WNT2B: variants seen among roughly 807,000 people sequenced by gnomAD.
The protein encoded by WNT2B is protein Wnt-2b.
WNT2B carries 19 observed loss-of-function variants against 40.5 expected under a neutral mutation model. That is an observed-to-expected ratio of 0.47 (90% CI 0.33 to 0.69). The LOEUF is 0.69. WNT2B is among the 30% of genes least tolerant of loss of function. The pLI is 0.02. For missense variants in WNT2B, 467 were observed against 556.4 expected (o/e 0.84, Z 1.62); for synonymous variants, 220 against 211.9 (o/e 1.04, Z -0.33).
intron 1 of WNT2B, among the ~76,000 whole-genome samples, chr1:112,472,818 C>G (rs1310595077): frequency 1.3e-5 from 2 of 151,650 alleles, no homozygotes; most frequent in African/African-American, 2.4e-5. Context: ...CAAAATTTAG[C>G]TGGGTGTGGT....
rs1652954414 is a variant in WNT2B at position 112,522,805 on chromosome 1, C to T, written c.*2296C>T. On this transcript the variant is annotated 3_prime_UTR_variant, in exon 5 of 5. Transcript: ENST00000369684. ...AGGGGATGCCTGTGGAGAAATGGGC[C>T]TGAGTGAGTCAGGCCAAGAGAATGT... 6.6e-6 allele frequency: 1 copy of T among 152,202 alleles called. No individual in the cohort carries two copies. Among genetic ancestry groups the T allele is most frequent in the Non-Finnish European group, 1.5e-5 (1 of 68,076 alleles). The allele number at this position is 152,202 out of a possible 1,614,324, so 9.4% of individuals were successfully genotyped here.
rs1652827515 is a variant in WNT2B at position 112,520,763 on chromosome 1, G to C, written c.*254G>C. 1 of 544,196 alleles carries C rather than the reference G, an allele frequency of 1.8e-6. No homozygotes were observed. The highest frequency in any genetic ancestry group is 3.3e-6 in the Non-Finnish European group (1 of 306,516). The allele number at this position is 544,196 out of a possible 1,614,324, so 33.7% of individuals were successfully genotyped here. On this transcript the variant is annotated 3_prime_UTR_variant, in exon 5 of 5. Transcript: ENST00000369684. ...GGAGATTTGAAGGGAGAGTAGAAGA[G>C]ATAGGGGGTCTTTAGAGTGAAATGA...
chr1:112,480,328 C>T (rs1163117725), intron 1 of WNT2B, among the ~76,000 whole-genome samples: 1 of 143,382 alleles, frequency 7.0e-6, no homozygotes, highest in African/African-American at 2.6e-5. Context: ...TATCACACCA[C>T]TGCACTCAGC....
Position 112,509,188 on chromosome 1 carries a change from G to C in WNT2B, c.-75G>C. ...ATGGCCCCCCAGGGGGGTGAGGTAG[G>C]AGCAGCCTGAGTACCCCCAGAAGGT... is the stretch of plus-strand genomic sequence containing the variant. On this transcript the variant is annotated 5_prime_UTR_variant, in exon 1 of 5. Coordinates refer to ENST00000369684, the MANE Select transcript of WNT2B (RefSeq NM_024494.3). This position sits in a 1 kb window ranked among gnomAD's most constrained non-coding sequence, Gnocchi z 4.2. The C allele has an allele frequency of 7.0e-7, 1 of 1,418,908 alleles. No homozygotes were observed. The highest frequency in any genetic ancestry group is 2.9e-5 in the East Asian group (1 of 34,034). 87.9% of individuals were successfully genotyped at this position (1,418,908 alleles called of 1,614,324 possible).
chr1:112,517,970 G>T (rs1652646686), intron 4 of WNT2B: 1 of 153,080 alleles, frequency 6.5e-6, no homozygotes, highest in Non-Finnish European at 1.5e-5. Flanking sequence ...CAGGGACAGA[G>T]AACAGACCAA....
chr1:112,481,465 A>T (rs1651222879), intron 1 of WNT2B, among the ~76,000 whole-genome samples: 1 of 152,204 alleles, frequency 6.6e-6, no homozygotes, highest in Non-Finnish European at 1.5e-5. Flanking sequence ...ATGGGGAAAA[A>T]CTACAAGCTT....
At chr1:112,506,537 G>A (rs759979479), upstream of WNT2B, among the ~76,000 whole-genome samples, 49 of 152,178 alleles carry the variant, frequency 3.2e-4, no homozygotes, top group Non-Finnish European at 6.6e-4. Context: ...GTCACACCCA[G>A]GTCTAAACAC....
chr1:112,471,296 C>A (rs1323431132), intron 1 of WNT2B, among the ~76,000 whole-genome samples: 1 of 152,156 alleles, frequency 6.6e-6, no homozygotes, highest in African/African-American at 2.4e-5. Context: ...GGTAGAGGAG[C>A]TCTCTCATGG....
chr1:112,471,485 C>T (rs1271109032), intron 1 of WNT2B, among the ~76,000 whole-genome samples: 1 of 152,226 alleles, frequency 6.6e-6, no homozygotes, highest in Non-Finnish European at 1.5e-5. Flanking sequence ...ATTATCTATT[C>T]ACAATTATTG....
Position 112,492,378 on chromosome 1 carries a change from G to A in WNT2B, c.-94-22496G>A, listed in dbSNP as rs559892348. Among the ~76,000 whole-genome samples the A allele has an allele frequency of 1.1e-4, 16 of 152,290 alleles. No homozygotes were observed. The East Asian group carries it at 2.5e-3, about 24-fold the overall frequency. ...TTACCAGAGCAGAAACCCATGAGCAGGAACCAGTACCAGGGTACCAAAACC... is the reference window on the plus strand; with the variant it reads ...TTACCAGAGCAGAAACCCATGAGCAAGAACCAGTACCAGGGTACCAAAACC... On this transcript the variant is annotated intron_variant, in intron 1 of 4. Transcript: ENST00000256640.
rs564496284 is a variant in WNT2B at position 112,476,804 on chromosome 1, G to A, written c.-95+9213G>A. 5.3e-5 allele frequency among the ~76,000 whole-genome samples: 8 copies of A among 152,296 alleles called. No individual in the cohort carries two copies. In the South Asian group the frequency reaches 1.7e-3, roughly 32 times the overall value. On this transcript the variant is annotated intron_variant, in intron 1 of 4. Coordinates refer to the WNT2B transcript ENST00000256640. ...GCTGTGTCCCCCTGGAGAAGAAGCT[G>A]CTGTGTCCCCAGTGGCCAAGATTAC...
chr1:112,491,031 G>C (rs957113810), intron 1 of WNT2B: 4 of 1,614,004 alleles, frequency 2.5e-6, no homozygotes, highest in South Asian at 1.1e-5. Flanking sequence ...CCTTGAGGAC[G>C]GCAGTACCTG....
intron 1 of WNT2B, among the ~76,000 whole-genome samples, chr1:112,500,893 C>T (rs1276060553): frequency 2.0e-5 from 3 of 152,180 alleles, no homozygotes; most frequent in African/African-American, 7.2e-5. Flanking sequence ...TCTTACACTA[C>T]AAATGTATGG....
chr1:112,515,213 A>G lies in WNT2B; in HGVS notation c.403+119A>G. The G allele has an allele frequency of 8.1e-7, 1 of 1,227,054 alleles. No individual in the cohort carries two copies. The highest frequency in any genetic ancestry group is 1.1e-6 in the Non-Finnish European group (1 of 875,834). The allele number at this position is 1,227,054 out of a possible 1,614,324, so 76.0% of individuals were successfully genotyped here. ...CACACACTGTTTCATCATCAGAGAAAGAACTGTGGGCAGAGCCCAGGATAT... is the reference window on the plus strand; with the variant it reads ...CACACACTGTTTCATCATCAGAGAAGGAACTGTGGGCAGAGCCCAGGATAT... On this transcript the variant is annotated intron_variant, in intron 2 of 4. Coordinates refer to ENST00000369684, the MANE Select transcript of WNT2B (RefSeq NM_024494.3). The surrounding 1 kb of genome is among the most constrained non-coding windows in gnomAD (Gnocchi z 4.4).
Position 112,503,476 on chromosome 1 carries a change from AAGAG to A in WNT2B, c.-94-11392_-94-11389del, listed in dbSNP as rs905346686. ...TATGAGACAGAGAGAGGGCAAGAGAAAGAGAGAGACGAAGACAGAAGCAAACATA... is the reference window on the plus strand; with the variant it reads ...TATGAGACAGAGAGAGGGCAAGAGAAAGAGACGAAGACAGAAGCAAACATA... On this transcript the variant is annotated intron_variant, in intron 1 of 4. Transcript: ENST00000256640. Among the ~76,000 whole-genome samples the A allele has an allele frequency of 2.6e-5, 4 of 152,132 alleles. No homozygotes were observed. The East Asian group carries it at 7.7e-4, about 29-fold the overall frequency.
intron 4 of WNT2B, among the ~76,000 whole-genome samples, chr1:112,519,997 G>C (rs1464911686): frequency 6.6e-6 from 1 of 150,670 alleles, no homozygotes; most frequent in Non-Finnish European, 1.5e-5. Context: ...TCAGCCTCCT[G>C]AGTATCTAGG....
Position 112,509,513 on chromosome 1 carries a change from T to C in WNT2B, c.182+69T>C. 1 of 1,486,456 alleles carries C rather than the reference T, an allele frequency of 6.7e-7. No homozygotes were observed. The highest frequency in any genetic ancestry group is 8.8e-7 in the Non-Finnish European group (1 of 1,130,592). The allele number at this position is 1,486,456 out of a possible 1,614,324, so 92.1% of individuals were successfully genotyped here. A position where few individuals can be genotyped will look rare whatever the true frequency, so the allele number is the denominator to read the frequency against. ...AGAGGCCGGAGGCGCCTGGAGGGAC[T>C]GGCTGCTCACGGGACCAGGCTGTTG... is the stretch of plus-strand genomic sequence containing the variant. On this transcript the variant is annotated intron_variant, in intron 1 of 4. Transcript: ENST00000369684. This position sits in a 1 kb window ranked among gnomAD's most constrained non-coding sequence, Gnocchi z 4.2.
intron 3 of WNT2B, 66 bp downstream of exon 3, chr1:112,516,483 G>T: frequency 6.5e-7 from 1 of 1,543,946 alleles, no homozygotes; most frequent in South Asian, 1.3e-5. Flanking sequence ...TGTGACCATG[G>T]ACTAAATAAA....
At chr1:112,519,556 C>T (rs1652744763) in intron 4 of WNT2B, among the ~76,000 whole-genome samples, 1 of 152,114 alleles carries the variant, frequency 6.6e-6, no homozygotes, top group Admixed American at 6.6e-5. Flanking sequence ...AGGTTCTAAG[C>T]ATTCCCTATG....
Sources: allele counts gnomAD v4.1 joint callset (sites outside exome capture counted in the v4.1 genomes callset), GRCh38; gene constraint gnomAD v4.1.1; non-coding constraint Gnocchi (gnomAD v3.1); transcripts MANE v1.5; gene names NCBI Gene and HGNC (gene_info 2026-07-23, HGNC 2026-07-21).